ITPR2: variants seen among roughly 807,000 people sequenced by gnomAD.
ITPR2 encodes inositol 1,4,5-trisphosphate-gated calcium channel ITPR2.
Under a neutral mutation model 317.1 loss-of-function variants are expected in ITPR2, and 207 were observed. The observed-to-expected ratio is 0.65, with a 90% CI of 0.58 to 0.73. The LOEUF (loss-of-function observed/expected upper bound fraction) is 0.73. Ranked by LOEUF, ITPR2 falls within the 30% of genes least tolerant of loss-of-function variation. ITPR2 has a pLI of 0.00. For synonymous variants in ITPR2, 1,156 were observed against 1,149.1 expected, an observed-to-expected ratio of 1.01 and a Z score of -0.12; for missense variants, 2,613 against 3,284.0, an observed-to-expected ratio of 0.80 and a Z score of 4.99.
rs772149204 is a variant in ITPR2, at chr12:26,654,133, A to G, written c.2590-7T>C. On this transcript the variant is annotated splice_region_variant and splice_polypyrimidine_tract_variant and intron_variant, in intron 20 of 56. Coordinates refer to ENST00000381340, the MANE Select transcript of ITPR2 (RefSeq NM_002223.4). ...TCCGAGCCAAGTGGACCACCTTAATAAAAAAAAAAAAGCGGGGAGGGGGAG... is the reference window on the plus strand; with the variant it reads ...TCCGAGCCAAGTGGACCACCTTAATGAAAAAAAAAAAGCGGGGAGGGGGAG... 1 of 792,154 alleles carries G rather than the reference A, an allele frequency of 1.3e-6. No homozygotes were observed. Among genetic ancestry groups the G allele is most frequent in the Non-Finnish European group, 1.7e-6 (1 of 592,722 alleles). 49.1% of individuals were successfully genotyped at this position (792,154 alleles called of 1,614,324 possible). A position where few individuals can be genotyped will look rare whatever the true frequency, so the allele number is the denominator to read the frequency against.
chr12:26,599,109 T>G (rs1306984076), intron 30 of ITPR2, 36 bp downstream of exon 30: 3 of 1,562,744 alleles, frequency 1.9e-6, no homozygotes, highest in Non-Finnish European at 2.6e-6. Flanking sequence ...ACATACTGTT[T>G]AGGTGAAGCT....
At chr12:26,558,022 A>G (rs185779601) in intron 35 of ITPR2, among the ~76,000 whole-genome samples, 54 of 152,308 alleles carry the variant, frequency 3.5e-4, no homozygotes, top group Non-Finnish European at 6.3e-4. Context: ...ATGTTAATTC[A>G]TGTTTTAATT....
At chr12:26,766,394 G>A (rs918902731) in intron 2 of ITPR2, among the ~76,000 whole-genome samples, 3 of 151,142 alleles carry the variant, frequency 2.0e-5, no homozygotes, top group Admixed American at 6.6e-5. Context: ...ATCTTTCCAT[G>A]CGTTTACTAA....
At chr12:26,609,093 G>A (rs1016105427) in intron 26 of ITPR2, among the ~76,000 whole-genome samples, 7 of 152,180 alleles carry the variant, frequency 4.6e-5, no homozygotes, top group African/African-American at 1.4e-4. Context: ...GTAAGAAGGG[G>A]GGTGTATGTA....
intron 1 of ITPR2, among the ~76,000 whole-genome samples, chr12:26,806,252 C>T (rs1391082768): frequency 4.0e-5 from 6 of 151,784 alleles, no homozygotes; most frequent in African/African-American, 1.2e-4. Context: ...CTTCAGAGCC[C>T]GAAAACTAGA....
At chr12:26,582,322 T>C (rs1945423857) in intron 32 of ITPR2, among the ~76,000 whole-genome samples, 1 of 152,192 alleles carries the variant, frequency 6.6e-6, no homozygotes. Flanking sequence ...TACAATAGAT[T>C]GGCCATGGCT....
chr12:26,581,656 G>C (rs1488678947), intron 32 of ITPR2, among the ~76,000 whole-genome samples: 1 of 152,004 alleles, frequency 6.6e-6, no homozygotes, highest in Non-Finnish European at 1.5e-5. Context: ...TATATTCCTG[G>C]AACATCTAAC....
In ITPR2 at chr12:26,339,653, G is replaced by C. The variant is rs140431741; in HGVS notation, c.8020-170C>G. Among the ~76,000 whole-genome samples, 51 of 152,148 alleles carry C rather than the reference G, an allele frequency of 3.4e-4. No homozygotes were observed. In the East Asian group the frequency reaches 9.3e-3, roughly 28 times the overall value. Reference sequence around the variant, plus strand: ...TTAAAAGTGAATTTCCATAAACAGAGAAAAAGAGCAAACCCCTCTGTGTGG... The same window carrying C: ...TTAAAAGTGAATTTCCATAAACAGACAAAAAGAGCAAACCCCTCTGTGTGG... On this transcript the variant is annotated intron_variant, in intron 56 of 56. Coordinates refer to ENST00000381340, the MANE Select transcript of ITPR2 (RefSeq NM_002223.4).
At chr12:26,445,297 G>A (rs1941582812) in intron 45 of ITPR2, among the ~76,000 whole-genome samples, 1 of 152,160 alleles carries the variant, frequency 6.6e-6, no homozygotes, top group Non-Finnish European at 1.5e-5. Flanking sequence ...CGAGGAGCGG[G>A]CTGTTGGATT....
In ITPR2 at chr12:26,339,214, T is replaced by C. The variant is rs1938021904; in HGVS notation, c.*183A>G. The C allele has an allele frequency of 1.7e-6, 1 of 580,368 alleles. No individual in the cohort carries two copies. The highest frequency in any genetic ancestry group is 3.1e-6 in the Non-Finnish European group (1 of 320,828). 36.0% of individuals were successfully genotyped at this position (580,368 alleles called of 1,614,324 possible). On this transcript the variant is annotated 3_prime_UTR_variant, in exon 57 of 57. Transcript: ENST00000381340. ...TCTAGCAGATGCATTTGAGGTTAGG[T>C]CTTCGCAACCATGAAAACACAGTTA...
intron 55 of ITPR2, among the ~76,000 whole-genome samples, chr12:26,355,027 T>C (rs4963985): frequency 0.98 from 148,609 of 152,220 alleles, 72,657 homozygotes; most frequent in East Asian, 1. Flanking sequence ...AATACAAATT[T>C]TTAGGCCTTA....
intron 21 of ITPR2, among the ~76,000 whole-genome samples, chr12:26,635,262 A>C (rs973526619): frequency 1.3e-5 from 2 of 152,250 alleles, no homozygotes; most frequent in Admixed American, 1.3e-4. Flanking sequence ...TAGCAGCTAC[A>C]TGAATTTATA....
chr12:26,468,568 GA>G lies in ITPR2; in HGVS notation c.6342+6727del, dbSNP rs5797177. Among the ~76,000 whole-genome samples, 321 of 139,896 alleles carry G rather than the reference GA, an allele frequency of 2.3e-3. 1 individual carries two copies. The highest frequency in any genetic ancestry group is 0.012 in the South Asian group (53 of 4,490). 91.8% of individuals were successfully genotyped at this position (139,896 alleles called of 152,430 possible). The stretch of plus-strand genomic sequence containing the variant: ...TAGGCACTGAACAAATATAGAAACA[GA>G]AAAAAAAAAAAAAGATAATTGCATC... On this transcript the variant is annotated intron_variant, in intron 45 of 56. Coordinates refer to ENST00000381340, the MANE Select transcript of ITPR2 (RefSeq NM_002223.4).
chr12:26,581,695 T>C (rs551131491), intron 32 of ITPR2, among the ~76,000 whole-genome samples: 2 of 152,308 alleles, frequency 1.3e-5, no homozygotes, highest in East Asian at 1.9e-4. Flanking sequence ...TTAATTTACA[T>C]GGTCCCAGAT....
rs943555478 is a variant in ITPR2, at chr12:26,417,632, T to A, written c.7110+1417A>T. ...CCTTCCACCATGATTGTAAGTTTCC[T>A]TAGGCCTCCCCAGCCATGTGGAACT... On this transcript the variant is annotated intron_variant, in intron 50 of 56. Transcript: ENST00000381340. 2.6e-5 allele frequency among the ~76,000 whole-genome samples: 4 copies of A among 152,282 alleles called. 1 individual carries two copies. Among genetic ancestry groups the A allele is most frequent in the South Asian group, 4.1e-4 (2 of 4,826 alleles).
rs1448621734 is a variant in ITPR2 at position 26,538,145 on chromosome 12, GA to G, written c.5073+12101del. 2.6e-5 allele frequency among the ~76,000 whole-genome samples: 4 copies of G among 152,324 alleles called. No individual in the cohort carries two copies. The East Asian group carries it at 7.7e-4, about 29-fold the overall frequency. On this transcript the variant is annotated intron_variant, in intron 37 of 56. Coordinates refer to ENST00000381340, the MANE Select transcript of ITPR2 (RefSeq NM_002223.4). ...ATGGGCTCTAGGGCCAGATTGGCTG[GA>G]TTTTCCTCCTGGTTGTGTCATCTTT...
At chr12:26,485,182 G>A (rs987639677) in intron 41 of ITPR2, among the ~76,000 whole-genome samples, 1 of 152,150 alleles carries the variant, frequency 6.6e-6, no homozygotes, top group African/African-American at 2.4e-5. Flanking sequence ...AGTAAACCTA[G>A]TAAAAGGGTA....
intron 34 of ITPR2, among the ~76,000 whole-genome samples, chr12:26,570,485 G>A (rs1007453032): frequency 1.3e-5 from 2 of 152,106 alleles, no homozygotes; most frequent in Admixed American, 6.5e-5. Flanking sequence ...TAGATATAAT[G>A]TTTATTTAAT....
At chr12:26,828,283 A>G (rs1347962058) in intron 1 of ITPR2, among the ~76,000 whole-genome samples, 1 of 152,044 alleles carries the variant, frequency 6.6e-6, no homozygotes, top group Non-Finnish European at 1.5e-5. Context: ...CACAACTACC[A>G]CTCTGCTTTG....
Sources: gnomAD v4.1 joint callset for allele counts (sites outside exome capture counted in the v4.1 genomes callset) on GRCh38, gnomAD v4.1.1 for gene constraint, MANE v1.5 for transcripts, NCBI Gene and HGNC (gene_info 2026-07-23, HGNC 2026-07-21) for gene names.